VWA2: variants seen among roughly 807,000 people sequenced by gnomAD.
The protein encoded by VWA2 is von Willebrand factor A domain containing 2.
Under a neutral mutation model 70.4 loss-of-function variants are expected in VWA2, and 73 were observed. The observed-to-expected ratio is 1.04, with a 90% CI of 0.86 to 1.26. The LOEUF is 1.26. Among genes scored for constraint, VWA2 ranks in the 50% most tolerant of loss-of-function variants. The pLI is 0.00. For missense variants in VWA2, 1,011 were observed against 998.5 expected (o/e 1.01, Z -0.17); for synonymous variants, 407 against 423.3 (o/e 0.96, Z 0.47).
chr10:114,248,645 C>T (rs754862824), intron 1 of VWA2, 59 bp from the exon 2 acceptor site: 41 of 1,464,512 alleles, frequency 2.8e-5, no homozygotes, highest in Non-Finnish European at 3.4e-5. Flanking sequence ...GGCGGTGTGA[C>T]TTGGGGCGTT....
chr10:114,242,333 G>C (rs1358159431), intron 1 of VWA2, among the ~76,000 whole-genome samples: 1 of 152,172 alleles, frequency 6.6e-6, no homozygotes, highest in Non-Finnish European at 1.5e-5. Context: ...CTGAAGTGGA[G>C]GAATTTACCC....
chr10:114,287,596 T>C (rs2039065426), intron 11 of VWA2, among the ~76,000 whole-genome samples: 1 of 152,146 alleles, frequency 6.6e-6, no homozygotes, highest in Non-Finnish European at 1.5e-5. Flanking sequence ...TTCCCTCCTG[T>C]AAGGCGGAAG....
intron 5 of VWA2, among the ~76,000 whole-genome samples, chr10:114,268,172 A>C (rs1212066659): frequency 1.3e-5 from 2 of 151,964 alleles, no homozygotes; most frequent in Non-Finnish European, 2.9e-5. Flanking sequence ...GAGCCCCTCC[A>C]CCTCTGGAAC....
At position 114,261,179 on chromosome 10, in the gene VWA2, A is replaced by G. The variant is rs775726300; in HGVS notation, c.262-7A>G. On this transcript the variant is annotated splice_region_variant and splice_polypyrimidine_tract_variant and intron_variant, in intron 4 of 13. Transcript: ENST00000392982. ...CGGGGCCCTGAGCCCCCTGTCTCCTACTGCAGGTCAGAGTGGGAGCATTCC... is the reference window on the plus strand; with the variant it reads ...CGGGGCCCTGAGCCCCCTGTCTCCTGCTGCAGGTCAGAGTGGGAGCATTCC... The G allele has an allele frequency of 6.2e-7, 1 of 1,606,122 alleles. No homozygotes were observed.
chr10:114,241,808 G>C (rs1005512529), intron 1 of VWA2, among the ~76,000 whole-genome samples: 2 of 152,110 alleles, frequency 1.3e-5, no homozygotes, highest in African/African-American at 4.8e-5. Context: ...GCATATATCA[G>C]TAAATGAAAA....
intron 4 of VWA2, among the ~76,000 whole-genome samples, chr10:114,257,408 G>GT (rs1156738422): frequency 1.3e-5 from 2 of 152,226 alleles, no homozygotes; most frequent in African/African-American, 4.8e-5. Flanking sequence ...CATTGATGTA[G>GT]TGTGTCCTGA....
intron 5 of VWA2, among the ~76,000 whole-genome samples, chr10:114,264,782 C>G (rs548881056): frequency 6.6e-6 from 1 of 151,918 alleles, no homozygotes; most frequent in Non-Finnish European, 1.5e-5. Flanking sequence ...TGCAATGGCA[C>G]GATCTTGGCT....
At chr10:114,240,014 G>T (rs2036948121) in intron 1 of VWA2, among the ~76,000 whole-genome samples, 1 of 152,208 alleles carries the variant, frequency 6.6e-6, no homozygotes, top group South Asian at 2.1e-4. Context: ...TTGGTGACAT[G>T]CTCGCTTCCA....
chr10:114,264,369 C>T (rs2037514034), intron 5 of VWA2, among the ~76,000 whole-genome samples: 1 of 151,236 alleles, frequency 6.6e-6, no homozygotes, highest in South Asian at 2.1e-4. Context: ...AAACATTAGG[C>T]TAAGTGAAAG....
At chr10:114,249,554 C>T (rs984151430) in intron 2 of VWA2, among the ~76,000 whole-genome samples, 3 of 152,166 alleles carry the variant, frequency 2.0e-5, no homozygotes, top group African/African-American at 7.2e-5. Context: ...CTGCGCCTGG[C>T]CCTCAGCTCC....
At chr10:114,262,867 C>G (rs183347553) in intron 5 of VWA2, among the ~76,000 whole-genome samples, 1 of 152,256 alleles carries the variant, frequency 6.6e-6, no homozygotes, top group East Asian at 1.9e-4. Flanking sequence ...TTTCTTCTTC[C>G]CCTGGAGCCT....
chr10:114,290,087 C>A, intron 12 of VWA2, 153 bp from the exon 13 acceptor site: 2 of 966,600 alleles, frequency 2.1e-6, no homozygotes, highest in Non-Finnish European at 3.0e-6. Context: ...ACTAACCTAG[C>A]CAAGTGGTAT....
chr10:114,243,645 C>T (rs1359030739), intron 1 of VWA2, among the ~76,000 whole-genome samples: 1 of 152,178 alleles, frequency 6.6e-6, no homozygotes, highest in African/African-American at 2.4e-5. Flanking sequence ...ATGGTTTCCT[C>T]TTTTTCCCTA....
At chr10:114,285,862 G>A (rs899858106) in intron 10 of VWA2, 77 bp from the exon 11 acceptor site, 19 of 1,415,046 alleles carry the variant, frequency 1.3e-5, no homozygotes, top group East Asian at 4.8e-5. Context: ...CCTGGGAGAT[G>A]TTCGGCATCT....
At chr10:114,282,152 T>C (rs911728760) in intron 8 of VWA2, among the ~76,000 whole-genome samples, 7 of 152,174 alleles carry the variant, frequency 4.6e-5, no homozygotes, top group African/African-American at 1.7e-4. Context: ...TACAGGCACA[T>C]GCCACCACGC....
intron 6 of VWA2, among the ~76,000 whole-genome samples, chr10:114,277,308 C>G (rs1035879505): frequency 1.3e-5 from 2 of 151,388 alleles, no homozygotes; most frequent in African/African-American, 4.9e-5. Flanking sequence ...CTCAGCCTCC[C>G]AAGTAGCTGG....
intron 8 of VWA2, chr10:114,281,810 T>C (rs2038145779): frequency 1.1e-6 from 1 of 939,268 alleles, no homozygotes; most frequent in Non-Finnish European, 1.3e-6. Flanking sequence ...ATAGAATTAC[T>C]ATACAAAGAG....
At chr10:114,287,169 A>G (rs949539890) in intron 11 of VWA2, among the ~76,000 whole-genome samples, 1 of 152,204 alleles carries the variant, frequency 6.6e-6, no homozygotes. Flanking sequence ...CCAGAGATGT[A>G]GTAGCTGAAA....
At chr10:114,285,281 C>T (rs1309655493) in intron 10 of VWA2, among the ~76,000 whole-genome samples, 1 of 152,198 alleles carries the variant, frequency 6.6e-6, no homozygotes, top group African/African-American at 2.4e-5. Flanking sequence ...GGCTCCCAGT[C>T]CTGGGCAGAG....
Sources: allele counts gnomAD v4.1 joint callset (sites outside exome capture counted in the v4.1 genomes callset), GRCh38; gene constraint gnomAD v4.1.1; transcripts MANE v1.5; gene names NCBI Gene and HGNC (gene_info 2026-07-23, HGNC 2026-07-21).